Variants in MCTP1 observed in about 807,000 individuals in gnomAD.
The protein encoded by MCTP1 is multiple C2 and transmembrane domain-containing protein 1.
Under a neutral mutation model 120.6 loss-of-function variants are expected in MCTP1, and 69 were observed. That is an observed-to-expected ratio of 0.57 (90% confidence interval 0.47 to 0.70). MCTP1 has a LOEUF of 0.70. Ranked by LOEUF, MCTP1 falls within the 30% of genes least tolerant of loss-of-function variation. The pLI is 0.00. For missense variants in MCTP1, 1,203 were observed against 1,248.8 expected, an observed-to-expected ratio of 0.96 and a Z score of 0.55; for synonymous variants, 529 against 493.1, an observed-to-expected ratio of 1.07 and a Z score of -0.96.
chr5:94,919,342 G>C (rs1327617303), intron 7 of MCTP1, among the ~76,000 whole-genome samples: 1 of 151,962 alleles, frequency 6.6e-6, no homozygotes, highest in Non-Finnish European at 1.5e-5. Context: ...CTAAAAATGA[G>C]ATATTTTATT....
At chr5:95,048,150 T>C (rs879919100) in intron 1 of MCTP1, among the ~76,000 whole-genome samples, 10 of 152,222 alleles carry the variant, frequency 6.6e-5, no homozygotes, top group South Asian at 2.1e-4. Context: ...TGTTGCTTTT[T>C]AAAAATTAGA....
At chr5:94,911,813 AT>A (rs1808665765) in intron 9 of MCTP1, among the ~76,000 whole-genome samples, 2 of 152,294 alleles carry the variant, frequency 1.3e-5, no homozygotes, top group South Asian at 4.1e-4. Context: ...TACTACTATA[AT>A]TGATACTATA....
intron 17 of MCTP1, among the ~76,000 whole-genome samples, chr5:94,846,654 G>A (rs1293283082): frequency 6.6e-6 from 1 of 151,984 alleles, no homozygotes; most frequent in African/African-American, 2.4e-5. Context: ...AAACATAAAC[G>A]TTTTTTAAAA....
At chr5:94,995,538 G>A (rs1003710530) in intron 2 of MCTP1, among the ~76,000 whole-genome samples, 3 of 152,194 alleles carry the variant, frequency 2.0e-5, no homozygotes, top group African/African-American at 7.2e-5. Context: ...CTTGCAGAGT[G>A]AATTGAAGAC....
chr5:94,987,417 AT>A (rs979080213), intron 2 of MCTP1, among the ~76,000 whole-genome samples: 1 of 152,138 alleles, frequency 6.6e-6, no homozygotes, highest in Non-Finnish European at 1.5e-5. Context: ...CGTGGAATTG[AT>A]TATCTAACAT....
At chr5:94,833,884 A>C (rs1789112637) in intron 17 of MCTP1, among the ~76,000 whole-genome samples, 1 of 152,226 alleles carries the variant, frequency 6.6e-6, no homozygotes, top group Non-Finnish European at 1.5e-5. Context: ...TAGATTTATC[A>C]AGAAAAGAGA....
chr5:94,867,069 T>C, intron 17 of MCTP1: 1 of 429,630 alleles, frequency 2.3e-6, no homozygotes. Flanking sequence ...AAAATAGACA[T>C]AGAAGCTCAG....
chr5:94,925,200 A>T lies in MCTP1; in HGVS notation c.1213-1179T>A, dbSNP rs180783954. Among the ~76,000 whole-genome samples, 30 of 152,326 alleles carry T rather than the reference A, an allele frequency of 2.0e-4. 1 individual carries two copies. The highest frequency in any genetic ancestry group is 7.2e-4 in the African/African-American group (30 of 41,550). On this transcript the variant is annotated intron_variant, in intron 6 of 22. Coordinates refer to ENST00000515393, the MANE Select transcript of MCTP1 (RefSeq NM_024717.7). ...ACTAGAGTCTAATGATAATAACAAT[A>T]ACAACAACCACAACCACAATAATAA...
chr5:95,165,001 CA>C (rs1228935674), intron 1 of MCTP1, among the ~76,000 whole-genome samples: 5 of 152,138 alleles, frequency 3.3e-5, no homozygotes, highest in African/African-American at 1.2e-4. Flanking sequence ...GAATAAGGCA[CA>C]CCCACTTCTT....
At chr5:95,197,453 G>A (rs1350898455) in intron 1 of MCTP1, among the ~76,000 whole-genome samples, 2 of 152,122 alleles carry the variant, frequency 1.3e-5, no homozygotes, top group African/African-American at 4.8e-5. Flanking sequence ...AAAGCTGGAA[G>A]CAACATAGAT....
At chr5:95,145,663 T>G (rs1262652388) in intron 1 of MCTP1, among the ~76,000 whole-genome samples, 1 of 152,168 alleles carries the variant, frequency 6.6e-6, no homozygotes, top group Admixed American at 6.5e-5. Flanking sequence ...GGGTTTTGTT[T>G]TTTATTCTGT....
chr5:95,035,628 T>C (rs1424900725), intron 1 of MCTP1, among the ~76,000 whole-genome samples: 1 of 152,078 alleles, frequency 6.6e-6, no homozygotes, highest in African/African-American at 2.4e-5. Flanking sequence ...CTATGTTCAC[T>C]ATTTGGGTGA....
At chr5:95,091,940 T>C (rs1309091032) in intron 1 of MCTP1, among the ~76,000 whole-genome samples, 1 of 152,142 alleles carries the variant, frequency 6.6e-6, no homozygotes, top group East Asian at 1.9e-4. Context: ...AGGAAAGTCT[T>C]ATGAGAAGAA....
rs898611613 is a variant in MCTP1, at chr5:94,854,573, T to A, written c.2436+13760A>T. Reference sequence around the variant, plus strand: ...TCAACTATAACACTGTAAAAATGAGTGTTTCTATGACAATTACCGAGCTCG... The same window carrying A: ...TCAACTATAACACTGTAAAAATGAGAGTTTCTATGACAATTACCGAGCTCG... On this transcript the variant is annotated intron_variant, in intron 17 of 22. Transcript: ENST00000515393. Among the ~76,000 whole-genome samples the A allele has an allele frequency of 3.9e-5, 6 of 151,904 alleles. No homozygotes were observed. The East Asian group carries it at 1.2e-3, about 30-fold the overall frequency.
chr5:95,105,483 T>TA (rs1757016798), intron 1 of MCTP1, among the ~76,000 whole-genome samples: 1 of 152,204 alleles, frequency 6.6e-6, no homozygotes, highest in African/African-American at 2.4e-5. Flanking sequence ...AGAATCAGTT[T>TA]ACACATGGGC....
At chr5:95,265,547 T>C (rs1293518577) in intron 1 of MCTP1, among the ~76,000 whole-genome samples, 1 of 152,156 alleles carries the variant, frequency 6.6e-6, no homozygotes, top group Admixed American at 6.5e-5. Flanking sequence ...ATTTATAAGA[T>C]GGCCATGAAA....
chr5:95,209,789 G>A (rs544641037), intron 1 of MCTP1, among the ~76,000 whole-genome samples: 1 of 152,254 alleles, frequency 6.6e-6, no homozygotes, highest in South Asian at 2.1e-4. Flanking sequence ...GATCTTTCCT[G>A]CTTTCTCTTG....
intron 1 of MCTP1, among the ~76,000 whole-genome samples, chr5:95,061,348 ATACATGTT>A (rs1433439492): frequency 2.8e-5 from 4 of 143,140 alleles, no homozygotes; most frequent in Admixed American, 7.0e-5. Context: ...GATTGTCTTT[ATACATGTT>A]TTTTTTTGTT....
chr5:94,717,275 C>T (rs934389507), intron 19 of MCTP1, among the ~76,000 whole-genome samples: 3 of 152,042 alleles, frequency 2.0e-5, no homozygotes, highest in African/African-American at 7.2e-5. Flanking sequence ...AGACAAAAAT[C>T]ACGATTATTT....
Sources: allele counts gnomAD v4.1 joint callset (sites outside exome capture counted in the v4.1 genomes callset), GRCh38; gene constraint gnomAD v4.1.1; transcripts MANE v1.5; gene names NCBI Gene and HGNC (gene_info 2026-07-23, HGNC 2026-07-21).